The following TEKT5 variants were observed in gnomAD, a reference collection of about 807,000 sequenced individuals.
The protein encoded by TEKT5 is tektin-5.
A neutral mutation model predicts 48.7 loss-of-function variants in TEKT5; 52 were observed. The observed-to-expected ratio is 1.07, with a 90% confidence interval of 0.86 to 1.35. The LOEUF is 1.35. Among genes scored for constraint, TEKT5 ranks in the 40% most tolerant of loss-of-function variants. TEKT5 has a pLI of 0.00. For missense variants in TEKT5, 831 were observed against 641.6 expected (o/e 1.30, Z -3.19); for synonymous variants, 318 against 267.6 (o/e 1.19, Z -1.84).
At chr16:10,667,428 A>G (rs745949257) in intron 5 of TEKT5, among the ~76,000 whole-genome samples, 1 of 152,192 alleles carries the variant, frequency 6.6e-6, no homozygotes, top group African/African-American at 2.4e-5. Context: ...TCATGTTCAA[A>G]TAAGGCAAAC....
In TEKT5 at chr16:10,649,965, T is replaced by C. The variant is rs4444338; in HGVS notation, c.1087-14047A>G. Among the ~76,000 whole-genome samples the C allele has an allele frequency of 6.2e-3, 937 of 152,304 alleles. 14 individuals are homozygous for C. The highest frequency in any genetic ancestry group is 0.017 in the Middle Eastern group (5 of 294). On this transcript the variant is annotated intron_variant, in intron 5 of 6. Coordinates refer to ENST00000283025, the MANE Select transcript of TEKT5 (RefSeq NM_144674.2). ...CCCATATCCTTCCCAGGTTGGAGAC[T>C]GGAACTGACAGCTGCCTGTTTCTCC...
intron 3 of TEKT5, among the ~76,000 whole-genome samples, chr16:10,686,214 T>C (rs1399142896): frequency 6.6e-6 from 1 of 152,182 alleles, no homozygotes; most frequent in Non-Finnish European, 1.5e-5. Context: ...CTTCAACAAA[T>C]GGTATTGATA....
intron 4 of TEKT5, among the ~76,000 whole-genome samples, chr16:10,681,782 C>T (rs111727067): frequency 2.0e-5 from 3 of 152,140 alleles, no homozygotes; most frequent in Admixed American, 6.5e-5. Context: ...CCCTTGAGTT[C>T]GTGGCTCCCC....
intron 6 of TEKT5, among the ~76,000 whole-genome samples, chr16:10,631,196 C>T (rs1178612463): frequency 2.1e-5 from 3 of 142,600 alleles, no homozygotes; most frequent in Non-Finnish European, 4.5e-5. Context: ...GCAGAGGTCG[C>T]AGTGTGATGA....
intron 5 of TEKT5, among the ~76,000 whole-genome samples, chr16:10,639,675 C>G (rs1897963254): frequency 6.6e-6 from 1 of 152,178 alleles, no homozygotes; most frequent in African/African-American, 2.4e-5. Context: ...ATTGAAATAC[C>G]ATTGTTTCCA....
chr16:10,648,862 T>C (rs1394914169), intron 5 of TEKT5, among the ~76,000 whole-genome samples: 1 of 152,252 alleles, frequency 6.6e-6, no homozygotes, highest in Non-Finnish European at 1.5e-5. Flanking sequence ...GCTTCCCTTA[T>C]ATTTATTTTC....
chr16:10,667,536 G>A (rs1050875285), intron 5 of TEKT5, among the ~76,000 whole-genome samples: 4 of 152,194 alleles, frequency 2.6e-5, no homozygotes, highest in Non-Finnish European at 4.4e-5. Flanking sequence ...ATCCGACCAC[G>A]TGGCAGCTTT....
chr16:10,649,526 C>T (rs988438641), intron 5 of TEKT5, among the ~76,000 whole-genome samples: 1 of 152,004 alleles, frequency 6.6e-6, no homozygotes, highest in African/African-American at 2.4e-5. Flanking sequence ...CTCGACCTTC[C>T]AGGCCTCAAG....
intron 4 of TEKT5, among the ~76,000 whole-genome samples, chr16:10,680,518 C>T (rs1898728739): frequency 6.6e-6 from 1 of 151,700 alleles, no homozygotes; most frequent in African/African-American, 2.4e-5. Flanking sequence ...TCTTTCTCAT[C>T]CCGAGCATCT....
At position 10,627,640 on chromosome 16, in the gene TEKT5, C is replaced by G. The variant is rs1284303058; in HGVS notation, c.1401G>C (p.Lys467Asn). 2 of 1,614,108 alleles carry G rather than the reference C, an allele frequency of 1.2e-6. No individual in the cohort carries two copies. The highest frequency in any genetic ancestry group is 2.7e-5 in the African/African-American group (2 of 74,950). ...KANTLCIDKE[K>N]CMGMRKTFPC... Reference sequence around the variant, plus strand: ...GGAAGGTCTTACGCATGCCCATGCACTTCTCCTTGTCGATGCAGAGGGTGT... The same window carrying G: ...GGAAGGTCTTACGCATGCCCATGCAGTTCTCCTTGTCGATGCAGAGGGTGT... Residue 467 changes from lysine to asparagine, a missense_variant, in exon 7 of 7, where the codon AAG (lysine) becomes AAC (asparagine). Transcript: ENST00000283025.
At chr16:10,635,624 C>T (rs1596400172) in intron 6 of TEKT5, 140 bp downstream of exon 6, 3 of 1,319,658 alleles carry the variant, frequency 2.3e-6, no homozygotes, top group Non-Finnish European at 3.1e-6. Flanking sequence ...CTGCACTCTA[C>T]TGAGTTGTGG....
chr16:10,689,980 C>A lies in TEKT5; in HGVS notation c.610G>T (p.Asp204Tyr). 6.2e-7 allele frequency: 1 copy of A among 1,614,122 alleles called. No individual in the cohort carries two copies. Among genetic ancestry groups the A allele is most frequent in the South Asian group, 1.1e-5 (1 of 91,058 alleles). Residue 204 changes from aspartate to tyrosine, a missense_variant, in exon 2 of 7, where the codon GAT becomes TAT. Physicochemically the swap from Asp to Tyr is radical, Grantham distance 160 (BLOSUM62 -3). Transcript: ENST00000283025. ...TTCTCCACGTTGTCATGGACCAAAT[C>A]AATCCCAATCCTCTTCTCTCGATGG... ...LYHREKRIGI[D>Y]LVHDNVEKNL...
rs1679850368 is a variant in TEKT5 at position 10,675,987 on chromosome 16, T to G, written c.1058A>C (p.Lys353Thr). The G allele has an allele frequency of 6.2e-7, 1 of 1,614,208 alleles. No individual in the cohort carries two copies. The highest frequency in any genetic ancestry group is 8.5e-7 in the Non-Finnish European group (1 of 1,180,038). ...CGCCAGCTGCGTCTGCAGCTTATTC[T>G]TCACATCCGTCACCTCAGAGATGCG... ...NARISEVTDV[K>T]NKLQTQLAKT... Residue 353 changes from lysine (K) to threonine (T), a missense_variant, in exon 5 of 7, where the codon AAG becomes ACG. Transcript: ENST00000283025.
chr16:10,668,180 GA>G (rs35072085), intron 5 of TEKT5, among the ~76,000 whole-genome samples: 51,797 of 151,878 alleles, frequency 0.34, 9,992 homozygotes, highest in East Asian at 0.54. Flanking sequence ...CACCTAGCTG[GA>G]AAAAAGAAGT....
intron 5 of TEKT5, among the ~76,000 whole-genome samples, chr16:10,640,931 A>G (rs74007197): frequency 0.022 from 3,422 of 152,284 alleles, 133 homozygotes; most frequent in African/African-American, 0.079. Flanking sequence ...AAGAGCTGCT[A>G]TGAATATTTG....
intron 3 of TEKT5, among the ~76,000 whole-genome samples, chr16:10,683,429 G>A (rs894922210): frequency 3.7e-4 from 54 of 144,196 alleles, no homozygotes; most frequent in African/African-American, 1.4e-3. Flanking sequence ...ATGGATCAGG[G>A]CCAGGGCTTA....
At chr16:10,659,141 C>T (rs1438640691) in intron 5 of TEKT5, among the ~76,000 whole-genome samples, 10 of 152,092 alleles carry the variant, frequency 6.6e-5, no homozygotes, top group African/African-American at 1.9e-4. Context: ...AACCACATTG[C>T]GAAATATCCC....
intron 6 of TEKT5, among the ~76,000 whole-genome samples, chr16:10,629,470 C>G (rs769506739): frequency 3.3e-5 from 5 of 152,122 alleles, no homozygotes; most frequent in African/African-American, 4.8e-5. Context: ...AGGCTGGTCT[C>G]GAACTCCTAA....
intron 5 of TEKT5, among the ~76,000 whole-genome samples, chr16:10,656,494 C>A (rs1392857358): frequency 6.6e-6 from 1 of 152,064 alleles, no homozygotes; most frequent in Non-Finnish European, 1.5e-5. Flanking sequence ...CTCAAGCGAT[C>A]CACCCGCCTT....
Sources: allele counts gnomAD v4.1 joint callset (sites outside exome capture counted in the v4.1 genomes callset), GRCh38; gene constraint gnomAD v4.1.1; transcripts MANE v1.5; gene names NCBI Gene and HGNC (gene_info 2026-07-23, HGNC 2026-07-21).